FECH: variants seen among roughly 807,000 people sequenced by gnomAD.
FECH encodes the protein ferrochelatase.
FECH carries 40 observed loss-of-function variants against 56.9 expected under a neutral mutation model. The ratio of observed to expected loss-of-function variants is 0.70; its 90% CI spans 0.55 to 0.92. FECH has a LOEUF of 0.92. FECH is among the 40% of genes least tolerant of loss of function. The pLI, the probability that FECH is intolerant of heterozygous loss-of-function variation, is 0.00. For missense variants in FECH, 431 were observed against 529.1 expected, an observed-to-expected ratio of 0.81 and a Z score of 1.82; for synonymous variants, 175 against 198.6, an observed-to-expected ratio of 0.88 and a Z score of 1.00.
At chr18:57,567,542 T>G (rs746780319) in intron 4 of FECH, among the ~76,000 whole-genome samples, 13 of 152,338 alleles carry the variant, frequency 8.5e-5, no homozygotes, top group Admixed American at 2.6e-4. Flanking sequence ...ACACATAACT[T>G]ACACTCAGGG....
At chr18:57,572,508 G>A (rs113733160) in intron 3 of FECH, among the ~76,000 whole-genome samples, 1,484 of 78,790 alleles carry the variant, frequency 0.019, 27 homozygotes, top group Middle Eastern at 0.08. Flanking sequence ...ACATGTATAC[G>A]TATGTAAAAA....
chr18:57,571,657 G>C lies in FECH; in HGVS notation c.315-117C>G, dbSNP rs944003987. ...ATTTTAGAGAGCCTAACAAGATTAA[G>C]CCTTTAAAACAGAAGCTTGAGGTCA... On this transcript the variant is annotated intron_variant, in intron 3 of 10. Transcript: ENST00000262093. The C allele has an allele frequency of 3.4e-6, 5 of 1,488,160 alleles. No homozygotes were observed. The African/African-American group carries it at 6.9e-5, about 21-fold the overall frequency. 92.2% of individuals were successfully genotyped at this position (1,488,160 alleles called of 1,614,324 possible). A position where few individuals can be genotyped will look rare whatever the true frequency, so the allele number is the denominator to read the frequency against.
intron 4 of FECH, chr18:57,567,745 C>T (rs1485657955): frequency 6.6e-6 from 1 of 152,236 alleles, no homozygotes; most frequent in Non-Finnish European, 1.5e-5. Context: ...GGACGACATT[C>T]CTCCTAACTT....
intron 1 of FECH, among the ~76,000 whole-genome samples, chr18:57,583,983 A>G (rs1427652401): frequency 6.6e-6 from 1 of 152,160 alleles, no homozygotes; most frequent in East Asian, 1.9e-4. Context: ...GATAGAGATC[A>G]TCCTGGCTAA....
Position 57,554,918 on chromosome 18 carries a change from A to G in FECH, c.839T>C (p.Val280Ala). ...VNRGDPYPQEVSATVQKVMER... is the reference protein window; with the variant it reads ...VNRGDPYPQEASATVQKVMER... ...CATGACTTTTTGGACAGTGGCGCTT[A>G]CCTCCTGAGGATATGGGTCGCCTCT... Residue 280 changes from valine to alanine, a missense_variant, in exon 8 of 11, where the codon GTA becomes GCA. Coordinates refer to ENST00000262093, the MANE Select transcript of FECH (RefSeq NM_000140.5). The G allele has an allele frequency of 6.2e-7, 1 of 1,614,044 alleles. No homozygotes were observed. The highest frequency in any genetic ancestry group is 8.5e-7 in the Non-Finnish European group (1 of 1,180,002).
chr18:57,555,730 T>C (rs921886349), intron 7 of FECH, among the ~76,000 whole-genome samples: 6 of 152,266 alleles, frequency 3.9e-5, no homozygotes, highest in Non-Finnish European at 7.3e-5. Flanking sequence ...CCCTACTCTC[T>C]GCAAACAAAG....
intron 2 of FECH, among the ~76,000 whole-genome samples, chr18:57,578,509 C>T (rs989763636): frequency 3.3e-5 from 5 of 151,962 alleles, no homozygotes; most frequent in Admixed American, 2.6e-4. Context: ...CCCATCTTTA[C>T]AAGAAAAAAA....
intron 5 of FECH, 95 bp from the exon 6 acceptor site, chr18:57,563,075 G>T: frequency 1.2e-5 from 11 of 950,214 alleles, no homozygotes; most frequent in Non-Finnish European, 1.8e-5. Context: ...TTCAAAGCAG[G>T]TAACTGCTTC....
Position 57,549,968 on chromosome 18 carries a change from G to A in FECH, c.*744C>T, listed in dbSNP as rs1454590475. On this transcript the variant is annotated 3_prime_UTR_variant, in exon 11 of 11. Coordinates refer to ENST00000262093, the MANE Select transcript of FECH (RefSeq NM_000140.5). ...GCAGCACTGTCCCTGGAGACCAGAA[G>A]CAGTGGGAGCCCCTTCCCTGTGGCA... 2 of 152,270 alleles carry A rather than the reference G, an allele frequency of 1.3e-5. No individual in the cohort carries two copies. Among genetic ancestry groups the A allele is most frequent in the Admixed American group, 1.3e-4 (2 of 15,274 alleles). The allele number at this position is 152,270 out of a possible 1,614,324, so 9.4% of individuals were successfully genotyped here. A position where few individuals can be genotyped will look rare whatever the true frequency, so the allele number is the denominator to read the frequency against.
intron 6 of FECH, among the ~76,000 whole-genome samples, chr18:57,560,714 A>T (rs2050933317): frequency 6.6e-6 from 1 of 152,186 alleles, no homozygotes; most frequent in Non-Finnish European, 1.5e-5. Context: ...ACTATTCTTA[A>T]TCTTGTAACT....
chr18:57,576,286 C>T (rs193199068), intron 2 of FECH, among the ~76,000 whole-genome samples: 10 of 152,362 alleles, frequency 6.6e-5, no homozygotes, highest in Admixed American at 4.6e-4. Flanking sequence ...AGCAACTGCA[C>T]TGAAGATGTG....
intron 6 of FECH, among the ~76,000 whole-genome samples, chr18:57,562,392 ATTTCT>A (rs1396626091): frequency 1.3e-5 from 2 of 152,192 alleles, no homozygotes; most frequent in Non-Finnish European, 2.9e-5. Context: ...GAAATATGAA[ATTTCT>A]TTTAATATGT....
At position 57,584,814 on chromosome 18, in the gene FECH, T is replaced by C. The variant is rs138406353; in HGVS notation, c.67+1740A>G. Among the ~76,000 whole-genome samples the C allele has an allele frequency of 1.6e-4, 24 of 149,102 alleles. No homozygotes were observed. In the East Asian group the frequency reaches 3.3e-3, roughly 21 times the overall value. On this transcript the variant is annotated intron_variant, in intron 1 of 10. Transcript: ENST00000262093. ...ACTCTTTTATTATCCTAGAATTGTT[T>C]TTCTAATTACATAAGACAATATATG...
At position 57,545,357 on chromosome 18, in the gene FECH, A is replaced by G. The variant is rs1344480501; in HGVS notation, c.*5355T>C. On this transcript the variant is annotated 3_prime_UTR_variant, in exon 11 of 11. Transcript: ENST00000262093. ...ATGGAAGCTAATGATTCCAGCTAAA[A>G]ACAACGAAGCCGGTACTATCACAGT... Among the ~76,000 whole-genome samples the G allele has an allele frequency of 6.6e-6, 1 of 152,258 alleles. No individual in the cohort carries two copies. The highest frequency in any genetic ancestry group is 1.9e-4 in the East Asian group (1 of 5,198).
chr18:57,561,446 C>T (rs2050942288), intron 6 of FECH, among the ~76,000 whole-genome samples: 1 of 152,140 alleles, frequency 6.6e-6, no homozygotes. Flanking sequence ...AACTGAGGCG[C>T]CATGGGCAAG....
intron 3 of FECH, among the ~76,000 whole-genome samples, chr18:57,572,198 C>A (rs993799293): frequency 2.0e-5 from 3 of 152,058 alleles, no homozygotes; most frequent in African/African-American, 7.2e-5. Flanking sequence ...CAATGATAGA[C>A]TGGATTAAGA....
chr18:57,582,729 C>T (rs372340651), intron 1 of FECH, among the ~76,000 whole-genome samples: 12 of 142,962 alleles, frequency 8.4e-5, no homozygotes, highest in East Asian at 6.0e-4. Context: ...CTGGCTAACA[C>T]GGTGAAACCC....
chr18:57,581,300 G>A (rs1327556678), intron 1 of FECH, among the ~76,000 whole-genome samples: 1 of 152,166 alleles, frequency 6.6e-6, no homozygotes, highest in Non-Finnish European at 1.5e-5. Context: ...GGTGGCAGTG[G>A]GTCTGAAGAA....
chr18:57,554,535 C>G, intron 8 of FECH, 111 bp from the exon 9 acceptor site: 1 of 1,108,298 alleles, frequency 9.0e-7, no homozygotes, highest in Non-Finnish European at 1.4e-6. Context: ...AAGAGCCACT[C>G]TTTACACCTG....
Sources: allele counts gnomAD v4.1 joint callset (sites outside exome capture counted in the v4.1 genomes callset), GRCh38; gene constraint gnomAD v4.1.1; transcripts MANE v1.5; gene names NCBI Gene and HGNC (gene_info 2026-07-23, HGNC 2026-07-21).